Variants in LRRC8B observed in about 807,000 individuals in gnomAD.
LRRC8B encodes leucine rich repeat containing 8 VRAC subunit B.
LRRC8B carries 23 observed loss-of-function variants against 58.8 expected under a neutral mutation model. That is an observed-to-expected ratio of 0.39 (90% CI 0.28 to 0.55). The LOEUF is 0.55. Among genes scored for constraint, LRRC8B ranks in the 20% least tolerant of loss-of-function variants. The pLI, the probability that LRRC8B is intolerant of heterozygous loss-of-function variation, is 0.62. For missense variants in LRRC8B, 694 were observed against 936.0 expected, an observed-to-expected ratio of 0.74 and a Z score of 3.37; for synonymous variants, 359 against 374.1, an observed-to-expected ratio of 0.96 and a Z score of 0.47.
intron 1 of LRRC8B, among the ~76,000 whole-genome samples, chr1:89,527,711 A>C (rs1649810159): frequency 1.3e-5 from 2 of 152,246 alleles, no homozygotes; most frequent in Non-Finnish European, 2.9e-5. Flanking sequence ...TGGTGTTTAA[A>C]ATAATGCCTT....
At chr1:89,546,485 T>C (rs767062767) in intron 1 of LRRC8B, among the ~76,000 whole-genome samples, 14 of 152,242 alleles carry the variant, frequency 9.2e-5, no homozygotes, top group Non-Finnish European at 1.3e-4. Context: ...TCACATCTTC[T>C]TAGCCATCTT....
At chr1:89,541,765 G>A (rs1473138951) in intron 1 of LRRC8B, among the ~76,000 whole-genome samples, 1 of 123,780 alleles carries the variant, frequency 8.1e-6, no homozygotes, top group Non-Finnish European at 1.6e-5. Flanking sequence ...CTGTCTGAGA[G>A]ACTCCATAAC....
chr1:89,559,414 G>A (rs1364474336), intron 1 of LRRC8B, among the ~76,000 whole-genome samples: 3 of 151,966 alleles, frequency 2.0e-5, no homozygotes, highest in African/African-American at 7.3e-5. Context: ...GGAGGCCGAG[G>A]TGGGACAATT....
At chr1:89,573,255 G>C (rs533797552) in intron 3 of LRRC8B, among the ~76,000 whole-genome samples, 16 of 150,574 alleles carry the variant, frequency 1.1e-4, no homozygotes, top group Non-Finnish European at 1.8e-4. Flanking sequence ...AACCAAGATC[G>C]CGCCACTGCA....
In LRRC8B at chr1:89,582,689, C is replaced by T. The variant is rs12130207; in HGVS notation, c.39C>T (p.Ala13=). The change falls in exon 5 of 6, where the codon GCC becomes GCT. Residue 13 remains alanine, a synonymous_variant. Transcript: ENST00000330947. ...TLTELKCLAD[A]QSSYHILKPW... ...CTGAGCTAAAATGCTTAGCAGATGC[C>T]CAGTCATCTTATCACATCTTAAAAC... is the stretch of plus-strand genomic sequence containing the variant. 329,607 of 1,613,394 alleles carry T rather than the reference C, an allele frequency of 0.2. 34,955 individuals carry two copies. The highest frequency in any genetic ancestry group is 0.29 in the Middle Eastern group (1,726 of 6,040).
intron 1 of LRRC8B, among the ~76,000 whole-genome samples, chr1:89,546,768 C>T (rs933804429): frequency 1.3e-5 from 2 of 152,166 alleles, no homozygotes; most frequent in Non-Finnish European, 2.9e-5. Flanking sequence ...CTTTCTGAAG[C>T]AAAGTTCCTC....
At chr1:89,563,890 A>G (rs768199601) in intron 1 of LRRC8B, among the ~76,000 whole-genome samples, 30 of 152,184 alleles carry the variant, frequency 2.0e-4, no homozygotes, top group African/African-American at 6.8e-4. Context: ...TCAAAACTCA[A>G]TCTTAACTAT....
rs546365414 is a variant in LRRC8B at position 89,524,923 on chromosome 1, C to G, written c.-340C>G. On this transcript the variant is annotated 5_prime_UTR_variant, in exon 1 of 6. Coordinates refer to ENST00000330947, the MANE Select transcript of LRRC8B (RefSeq NM_001369817.2). ...TTCCCGCTGAGCCCGCAGCCTCCGG[C>G]AGCCGGGAAAGTGCGGGCGCGGGGC... 3 of 152,320 alleles carry G rather than the reference C, an allele frequency of 2.0e-5. No individual in the cohort carries two copies. Among genetic ancestry groups the G allele is most frequent in the Admixed American group, 2.0e-4 (3 of 15,300 alleles). 9.4% of individuals were successfully genotyped at this position (152,320 alleles called of 1,614,324 possible).
rs1198622153 is a variant in LRRC8B at position 89,597,416 on chromosome 1, A to G, written c.*4373A>G. On this transcript the variant is annotated 3_prime_UTR_variant, in exon 6 of 6. Coordinates refer to ENST00000330947, the MANE Select transcript of LRRC8B (RefSeq NM_001369817.2). ...ATGTTGTACATTATCTCTAACAGAG[A>G]TGGTGCAATTTTAAGAATACAAAGG... The G allele has an allele frequency of 6.6e-6, 1 of 152,350 alleles. No individual in the cohort carries two copies. Among genetic ancestry groups the G allele is most frequent in the African/African-American group, 2.4e-5 (1 of 41,580 alleles). The allele number at this position is 152,350 out of a possible 1,614,324, so 9.4% of individuals were successfully genotyped here. A position where few individuals can be genotyped will look rare whatever the true frequency, so the allele number is the denominator to read the frequency against.
chr1:89,584,061 T>C lies in LRRC8B; in HGVS notation c.1411T>C (p.Tyr471His). Reference protein sequence around the residue: ...QLVNLKELRVYHSSLVVDHPA... With the variant: ...QLVNLKELRVHHSSLVVDHPA... ...GGTCAACCTCAAGGAGCTTCGTGTG[T>C]ACCATTCATCTCTGGTCGTAGACCA... Residue 471 changes from tyrosine (Y) to histidine (H), a missense_variant, in exon 5 of 6, where the codon TAC (tyrosine) becomes CAC (histidine). Tyr to His is a moderately conservative substitution (Grantham distance 83). Transcript: ENST00000330947. The C allele has an allele frequency of 6.2e-7, 1 of 1,614,176 alleles. No homozygotes were observed. The highest frequency in any genetic ancestry group is 8.5e-7 in the Non-Finnish European group (1 of 1,180,028).
At chr1:89,526,471 T>TC (rs1419547569) in intron 1 of LRRC8B, among the ~76,000 whole-genome samples, 2 of 152,172 alleles carry the variant, frequency 1.3e-5, no homozygotes, top group Non-Finnish European at 2.9e-5. Context: ...CACCTCGGCC[T>TC]CCCAAAGTGC....
rs766697683 is a variant in LRRC8B, at chr1:89,592,791, G to T, written c.2160G>T (p.Gly720=). 4.3e-6 allele frequency: 7 copies of T among 1,613,884 alleles called. No homozygotes were observed. The South Asian group carries it at 7.7e-5, about 18-fold the overall frequency. ...TCCAGATTGAGATGCTACCAGATGG[G>T]CTGTTTCAGTGCAAAAAGCTGCAGT... The part of the protein sequence containing the change: ...TNNNIEMLPD[G]LFQCKKLQCL... Residue 720 remains glycine, a synonymous_variant, in exon 6 of 6, where the codon GGG becomes GGT. Coordinates refer to ENST00000330947, the MANE Select transcript of LRRC8B (RefSeq NM_001369817.2).
intron 3 of LRRC8B, chr1:89,572,640 A>T (rs909597361): frequency 5.3e-5 from 8 of 152,232 alleles, no homozygotes; most frequent in African/African-American, 9.7e-5. Context: ...AAGGGACTAC[A>T]TAGGGAGTGG....
At chr1:89,577,237 T>A (rs563718939) in intron 3 of LRRC8B, among the ~76,000 whole-genome samples, 1 of 152,294 alleles carries the variant, frequency 6.6e-6, no homozygotes, top group African/African-American at 2.4e-5. Context: ...CATCATTTGT[T>A]TATTTTTTCA....
chr1:89,533,643 C>G (rs1177128949), intron 1 of LRRC8B, among the ~76,000 whole-genome samples: 1 of 152,154 alleles, frequency 6.6e-6, no homozygotes, highest in Non-Finnish European at 1.5e-5. Flanking sequence ...TATCATAGTA[C>G]CTAGGCTAGA....
At position 89,524,872 on chromosome 1, in the gene LRRC8B, G is replaced by A. The variant is rs952665942; in HGVS notation, c.-391G>A. The A allele has an allele frequency of 2.0e-5, 3 of 152,204 alleles. No individual in the cohort carries two copies. Among genetic ancestry groups the A allele is most frequent in the African/African-American group, 7.2e-5 (3 of 41,444 alleles). 9.4% of individuals were successfully genotyped at this position (152,204 alleles called of 1,614,324 possible). ...TCGCGTCACAATGGAGCCGGTCGGA[G>A]GCGGCGAGCCGGACAGCGCCGGGGC... On this transcript the variant is annotated 5_prime_UTR_variant, in exon 1 of 6. Transcript: ENST00000330947.
chr1:89,536,944 A>T (rs1475292462), intron 1 of LRRC8B, among the ~76,000 whole-genome samples: 2 of 152,166 alleles, frequency 1.3e-5, no homozygotes, highest in East Asian at 3.8e-4. Context: ...ATGTGTGTAC[A>T]ATTTCAACAT....
At chr1:89,591,257 A>G (rs941430435) in intron 5 of LRRC8B, among the ~76,000 whole-genome samples, 9 of 152,186 alleles carry the variant, frequency 5.9e-5, no homozygotes, top group Admixed American at 5.9e-4. Context: ...AAGCACTCTT[A>G]ATAATGCACA....
chr1:89,534,607 T>C (rs1275125685), intron 1 of LRRC8B, among the ~76,000 whole-genome samples: 1 of 152,216 alleles, frequency 6.6e-6, no homozygotes, highest in Non-Finnish European at 1.5e-5. Context: ...AACATTTCTT[T>C]TGAATTGTTA....
Sources: allele counts gnomAD v4.1 joint callset (sites outside exome capture counted in the v4.1 genomes callset), GRCh38; gene constraint gnomAD v4.1.1; transcripts MANE v1.5; gene names NCBI Gene and HGNC (gene_info 2026-07-23, HGNC 2026-07-21).